DLGAP4: variants seen among roughly 807,000 people sequenced by gnomAD.
The protein encoded by DLGAP4 is disks large-associated protein 4.
DLGAP4 carries 18 observed loss-of-function variants against 86.9 expected under a neutral mutation model. The ratio of observed to expected loss-of-function variants is 0.21; its 90% CI spans 0.14 to 0.31. The LOEUF is 0.31. Ranked by LOEUF, DLGAP4 falls within the 10% of genes least tolerant of loss-of-function variation. DLGAP4 has a pLI of 1.00. For missense variants in DLGAP4, 1,085 were observed against 1,362.6 expected (o/e 0.80, Z 3.21); for synonymous variants, 548 against 574.3 (o/e 0.95, Z 0.65).
intron 7 of DLGAP4, among the ~76,000 whole-genome samples, chr20:36,465,537 GTCTGTTCCCA>G (rs2034312091): frequency 6.6e-6 from 1 of 152,174 alleles, no homozygotes; most frequent in African/African-American, 2.4e-5. Flanking sequence ...CCTTCCCTGG[GTCTGTTCCCA>G]TCTGTTCTGG....
intron 6 of DLGAP4, among the ~76,000 whole-genome samples, chr20:36,444,516 T>A (rs2033539385): frequency 6.6e-6 from 1 of 152,014 alleles, no homozygotes; most frequent in South Asian, 2.1e-4. Flanking sequence ...ACACAAGTGA[T>A]CCTCCCACAT....
chr20:36,404,079 C>T (rs1483913043), intron 2 of DLGAP4, among the ~76,000 whole-genome samples: 1 of 152,230 alleles, frequency 6.6e-6, no homozygotes, highest in Non-Finnish European at 1.5e-5. Context: ...GGGAGGAGAC[C>T]GACCATTCAA....
chr20:36,419,441 T>C (rs542992657), intron 2 of DLGAP4, among the ~76,000 whole-genome samples: 2 of 152,294 alleles, frequency 1.3e-5, no homozygotes, highest in East Asian at 3.9e-4. Context: ...GTGACCTATT[T>C]CTGCATAGTA....
chr20:36,513,080 T>G (rs537089751), intron 10 of DLGAP4, among the ~76,000 whole-genome samples: 2 of 150,306 alleles, frequency 1.3e-5, no homozygotes, highest in South Asian at 4.2e-4. Flanking sequence ...GCCTCCCAAG[T>G]AGCTCGGACC....
chr20:36,437,214 C>G (rs757289449), intron 4 of DLGAP4, among the ~76,000 whole-genome samples: 1 of 152,180 alleles, frequency 6.6e-6, no homozygotes, highest in Non-Finnish European at 1.5e-5. Flanking sequence ...TCGAAGAGCC[C>G]GGCCAATTGG....
At position 36,528,101 on chromosome 20, in the gene DLGAP4, G is replaced by T. The variant is rs1359505318; in HGVS notation, c.*1070G>T. Reference sequence around the variant, plus strand: ...ACTATATCTAGGTGTGTGTACAAGTGTGTGTAAAAATATATACCTTGTGTG... The same window carrying T: ...ACTATATCTAGGTGTGTGTACAAGTTTGTGTAAAAATATATACCTTGTGTG... On this transcript the variant is annotated 3_prime_UTR_variant, in exon 13 of 13. Transcript: ENST00000339266. The T allele has an allele frequency of 2.6e-5, 4 of 151,908 alleles. No homozygotes were observed. The highest frequency in any genetic ancestry group is 4.4e-5 in the Non-Finnish European group (3 of 67,916). 9.4% of individuals were successfully genotyped at this position (151,908 alleles called of 1,614,324 possible).
chr20:36,461,748 T>TCCGTCCGC lies in DLGAP4; in HGVS notation c.1648+14814_1648+14815insTCCGCCCG, dbSNP rs1474275856. 2.2e-3 allele frequency: 1,904 copies of TCCGTCCGC among 852,564 alleles called. 2 individuals are homozygous for TCCGTCCGC. The highest frequency in any genetic ancestry group is 5.4e-3 in the Middle Eastern group (9 of 1,652). 52.8% of individuals were successfully genotyped at this position (852,564 alleles called of 1,614,324 possible). ...CCCCGTCTGTCCGTCCGTCCGTCCG[T>TCCGTCCGC]CCGCCCGCCCGCCCGCCCGCCCGCG... is the stretch of plus-strand genomic sequence containing the variant. On this transcript the variant is annotated intron_variant, in intron 7 of 12. Coordinates refer to ENST00000339266, the MANE Select transcript of DLGAP4 (RefSeq NM_001365621.2).
chr20:36,383,437 G>A (rs1202005467), intron 2 of DLGAP4, among the ~76,000 whole-genome samples: 1 of 152,026 alleles, frequency 6.6e-6, no homozygotes, highest in Admixed American at 6.6e-5. Flanking sequence ...GGTGGCATTG[G>A]GCTTGTCCCT....
At position 36,525,111 on chromosome 20, in the gene DLGAP4, G is replaced by C. The variant is rs373183109; in HGVS notation, c.2605-740G>C. ...CGGGTGCCTGTAGTCCCAGCTACTC[G>C]GGAGGCTGAGGCAGGAGAATGGTGT... On this transcript the variant is annotated intron_variant, in intron 11 of 12. Coordinates refer to ENST00000339266, the MANE Select transcript of DLGAP4 (RefSeq NM_001365621.2). Among the ~76,000 whole-genome samples, 62 of 149,050 alleles carry C rather than the reference G, an allele frequency of 4.2e-4. No homozygotes were observed. In the East Asian group the frequency reaches 6.1e-3, roughly 15 times the overall value.
chr20:36,394,697 C>T (rs1232734225), intron 2 of DLGAP4, among the ~76,000 whole-genome samples: 2 of 151,544 alleles, frequency 1.3e-5, no homozygotes, highest in Non-Finnish European at 2.9e-5. Context: ...TTTCCGGTCC[C>T]TCTCCCAGCC....
At chr20:36,484,710 G>A (rs1345646044) in intron 7 of DLGAP4, among the ~76,000 whole-genome samples, 5 of 152,262 alleles carry the variant, frequency 3.3e-5, no homozygotes, top group South Asian at 2.1e-4. Context: ...CTGCCTTTCC[G>A]AGAGGAGGCT....
intron 2 of DLGAP4, among the ~76,000 whole-genome samples, chr20:36,380,567 G>A (rs2031337869): frequency 6.7e-6 from 1 of 148,358 alleles, no homozygotes; most frequent in African/African-American, 2.5e-5. Flanking sequence ...CAGCCTGGAT[G>A]AGAGAGCAAG....
chr20:36,312,898 T>C (rs2065065547), intron 1 of DLGAP4, among the ~76,000 whole-genome samples: 1 of 152,122 alleles, frequency 6.6e-6, no homozygotes, highest in Non-Finnish European at 1.5e-5. Flanking sequence ...GGGTTTGTAG[T>C]AAGAGGAACG....
chr20:36,398,197 T>C (rs2425249), intron 2 of DLGAP4, among the ~76,000 whole-genome samples: 104,798 of 152,132 alleles, frequency 0.69, 36,329 homozygotes, highest in South Asian at 0.82. Context: ...CTGTTCTTGA[T>C]GTCCAGTGAC....
At chr20:36,345,975 T>C (rs1294790414) in intron 1 of DLGAP4, among the ~76,000 whole-genome samples, 1 of 152,174 alleles carries the variant, frequency 6.6e-6, no homozygotes, top group Non-Finnish European at 1.5e-5. Flanking sequence ...CTGGCTGTTC[T>C]CAAACTCCTG....
chr20:36,362,203 T>A (rs143208317), intron 1 of DLGAP4, among the ~76,000 whole-genome samples: 196 of 151,472 alleles, frequency 1.3e-3, no homozygotes, highest in African/African-American at 4.5e-3. Flanking sequence ...GAGGTTGCAG[T>A]GAGCCGAGAT....
rs78839974 is a variant in DLGAP4 at position 36,382,371 on chromosome 20, C to T, written c.-73+15096C>T. Among the ~76,000 whole-genome samples, 759 of 151,062 alleles carry T rather than the reference C, an allele frequency of 5.0e-3. 8 individuals are homozygous for T. The highest frequency in any genetic ancestry group is 0.017 in the African/African-American group (709 of 41,072). ...GTAGTGGCTGAGTAGTGCCACTGTG[C>T]CTGGCCTTTTTTAGGGGGTGGGGGT... is the stretch of plus-strand genomic sequence containing the variant. On this transcript the variant is annotated intron_variant, in intron 2 of 12. Transcript: ENST00000339266.
intron 2 of DLGAP4, among the ~76,000 whole-genome samples, chr20:36,377,125 G>A (rs2031187507): frequency 6.6e-6 from 1 of 152,182 alleles, no homozygotes; most frequent in South Asian, 2.1e-4. Context: ...TCTGGGTCTG[G>A]CACTCACAGG....
intron 7 of DLGAP4, among the ~76,000 whole-genome samples, chr20:36,479,305 A>AT (rs2035081238): frequency 6.6e-6 from 1 of 152,056 alleles, no homozygotes; most frequent in Non-Finnish European, 1.5e-5. Flanking sequence ...AGCCTGTGTC[A>AT]TTTTTAGGGT....
Sources: allele counts gnomAD v4.1 joint callset (sites outside exome capture counted in the v4.1 genomes callset), GRCh38; gene constraint gnomAD v4.1.1; transcripts MANE v1.5; gene names NCBI Gene and HGNC (gene_info 2026-07-23, HGNC 2026-07-21).